USP34: variants seen among roughly 807,000 people sequenced by gnomAD.
USP34 encodes the protein ubiquitin specific peptidase 34.
Under a neutral mutation model 460.3 loss-of-function variants are expected in USP34, and 70 were observed. The ratio of observed to expected loss-of-function variants is 0.15; its 90% CI spans 0.13 to 0.19. The LOEUF (loss-of-function observed/expected upper bound fraction) is 0.19. Ranked by LOEUF, USP34 falls within the 10% of genes least tolerant of loss-of-function variation. USP34 has a pLI of 1.00. For missense variants in USP34, 3,985 were observed against 4,236.2 expected (o/e 0.94, Z 1.65); for synonymous variants, 1,647 against 1,405.3 (o/e 1.17, Z -3.85).
In USP34 at chr2:61,420,679, C is replaced by G. The variant is rs1694329109; in HGVS notation, c.131+67G>C. The G allele has an allele frequency of 5.1e-6, 6 of 1,177,956 alleles. No homozygotes were observed. In the South Asian group the frequency reaches 7.7e-5, roughly 15 times the overall value. The allele number at this position is 1,177,956 out of a possible 1,614,324, so 73.0% of individuals were successfully genotyped here. Reference sequence around the variant, plus strand: ...CCAACACCCTAAAAAGAAAATGTGACAATAAAAATCGCAACTTATAACACA... The same window carrying G: ...CCAACACCCTAAAAAGAAAATGTGAGAATAAAAATCGCAACTTATAACACA... On this transcript the variant is annotated intron_variant, in intron 2 of 79. Coordinates refer to ENST00000398571, the MANE Select transcript of USP34 (RefSeq NM_014709.4).
chr2:61,347,622 C>CCT (rs1312210793), intron 15 of USP34, among the ~76,000 whole-genome samples: 2 of 152,150 alleles, frequency 1.3e-5, no homozygotes, highest in Non-Finnish European at 2.9e-5. Flanking sequence ...GATCCACCTG[C>CCT]CTCGGCCTCC....
At chr2:61,232,344 A>G in intron 58 of USP34, 108 bp downstream of exon 58, 1 of 932,582 alleles carries the variant, frequency 1.1e-6, no homozygotes, top group Non-Finnish European at 1.6e-6. Context: ...GATCTTTTCA[A>G]ACTATTATCA....
chr2:61,353,619 CAG>C (rs1692020183), intron 10 of USP34, among the ~76,000 whole-genome samples: 2 of 150,048 alleles, frequency 1.3e-5, no homozygotes, highest in Non-Finnish European at 3.0e-5. Context: ...TTAGTGAAGA[CAG>C]GGTTTCGCCA....
chr2:61,383,300 G>T lies in USP34; in HGVS notation c.790C>A (p.His264Asn). The change falls in exon 6 of 80, where the codon CAC becomes AAC. Residue 264 changes from histidine to asparagine, a missense_variant. By Grantham distance (68) the His-to-Asn change is moderately conservative (BLOSUM62 1). Transcript: ENST00000398571. ...IWLHIPAVMQHIIPFRTYVIR... is the reference protein window; with the variant it reads ...IWLHIPAVMQNIIPFRTYVIR... ...ACATAGGTCCTAAAAGGTATAATGT[G>T]CTGCATGACAGCGGGAATATGTAGC... 1 of 1,604,788 alleles carries T rather than the reference G, an allele frequency of 6.2e-7. No individual in the cohort carries two copies. Among genetic ancestry groups the T allele is most frequent in the Non-Finnish European group, 8.5e-7 (1 of 1,174,574 alleles).
chr2:61,201,360 G>C (rs1686971829), intron 75 of USP34, among the ~76,000 whole-genome samples: 1 of 151,880 alleles, frequency 6.6e-6, no homozygotes, highest in South Asian at 2.1e-4. Context: ...TGCAACTACA[G>C]GCACGTACCA....
At chr2:61,243,557 CATT>C (rs79054146) in intron 51 of USP34, among the ~76,000 whole-genome samples, 1 of 97,646 alleles carries the variant, frequency 1.0e-5, no homozygotes, top group Non-Finnish European at 2.0e-5. Context: ...CTTCTTCCTT[CATT>C]TTTTTTTTTT....
At chr2:61,252,775 A>C (rs984020078) in intron 48 of USP34, among the ~76,000 whole-genome samples, 14 of 152,196 alleles carry the variant, frequency 9.2e-5, no homozygotes, top group African/African-American at 3.1e-4. Flanking sequence ...AAGAATAACT[A>C]ATGAGCTTGT....
At chr2:61,407,478 C>T (rs531880545) in intron 2 of USP34, among the ~76,000 whole-genome samples, 1 of 152,264 alleles carries the variant, frequency 6.6e-6, no homozygotes, top group Non-Finnish European at 1.5e-5. Context: ...ATAATCTGCA[C>T]CCAGTAATAG....
At chr2:61,260,746 C>T (rs967542115) in intron 43 of USP34, among the ~76,000 whole-genome samples, 10 of 152,162 alleles carry the variant, frequency 6.6e-5, no homozygotes, top group African/African-American at 1.9e-4. Context: ...CGAAAAAAGT[C>T]ACACAAAATG....
At chr2:61,398,545 G>A (rs1395691036) in intron 3 of USP34, among the ~76,000 whole-genome samples, 1 of 102,322 alleles carries the variant, frequency 9.8e-6, no homozygotes, top group Non-Finnish European at 2.1e-5. Context: ...GGCGGAAGCG[G>A]GGGAAGGAGG....
chr2:61,237,270 A>T (rs1688095504), intron 53 of USP34, among the ~76,000 whole-genome samples: 1 of 152,008 alleles, frequency 6.6e-6, no homozygotes, highest in African/African-American at 2.4e-5. Context: ...CATTCTGCCC[A>T]TCTCATTCAG....
At chr2:61,403,431 T>C (rs1693778841) in intron 3 of USP34, among the ~76,000 whole-genome samples, 1 of 152,150 alleles carries the variant, frequency 6.6e-6, no homozygotes, top group African/African-American at 2.4e-5. Flanking sequence ...TTCAGCATCT[T>C]TCAGTTACCA....
At chr2:61,424,523 G>A (rs1211757098) in intron 1 of USP34, among the ~76,000 whole-genome samples, 2 of 152,102 alleles carry the variant, frequency 1.3e-5, no homozygotes, top group Admixed American at 1.3e-4. Context: ...TGAAAAAGTT[G>A]TAGAGATTTG....
chr2:61,386,784 A>G (rs971327775), intron 5 of USP34, among the ~76,000 whole-genome samples: 4 of 152,294 alleles, frequency 2.6e-5, no homozygotes, highest in Middle Eastern at 3.4e-3. Context: ...GCGAGACTCC[A>G]TCTAAAAAGA....
At chr2:61,225,740 C>A (rs1219418611) in intron 62 of USP34, among the ~76,000 whole-genome samples, 1 of 152,170 alleles carries the variant, frequency 6.6e-6, no homozygotes, top group East Asian at 1.9e-4. Context: ...TTTTTGTCAA[C>A]CAATCGATAC....
At chr2:61,342,296 CTTT>C (rs34298126) in intron 16 of USP34, among the ~76,000 whole-genome samples, 5 of 95,074 alleles carry the variant, frequency 5.3e-5, no homozygotes, top group Admixed American at 1.5e-4. Context: ...TGGCCGTTTC[CTTT>C]TTTTTTTTTT....
chr2:61,341,657 C>G (rs1475241912), intron 16 of USP34, among the ~76,000 whole-genome samples: 1 of 151,918 alleles, frequency 6.6e-6, no homozygotes, highest in Non-Finnish European at 1.5e-5. Flanking sequence ...TGGCCCTCAC[C>G]AGAAGCAGAT....
At position 61,214,273 on chromosome 2, in the gene USP34, T is replaced by C. The variant is rs1269920170; in HGVS notation, c.8469A>G (p.Pro2823=). 2.5e-5 allele frequency: 41 copies of C among 1,614,098 alleles called. No homozygotes were observed. Among genetic ancestry groups the C allele is most frequent in the Non-Finnish European group, 3.5e-5 (41 of 1,180,046 alleles). ...PENIRLIVQN[P]VVTKNIAFNY... ...TGAAGGCAATGTTCTTGGTTACCAC[T>C]GGGTTCTGAACAATAAGGCGGATAT... The change falls in exon 68 of 80, where the codon CCA becomes CCG. Residue 2823 remains proline, a synonymous_variant. Coordinates refer to ENST00000398571, the MANE Select transcript of USP34 (RefSeq NM_014709.4).
At chr2:61,231,450 C>T (rs904395836) in intron 58 of USP34, among the ~76,000 whole-genome samples, 20 of 152,124 alleles carry the variant, frequency 1.3e-4, no homozygotes, top group Non-Finnish European at 2.1e-4. Context: ...CAGTGGCTCA[C>T]AACTATAATC....
Sources: gnomAD v4.1 joint callset for allele counts (sites outside exome capture counted in the v4.1 genomes callset) on GRCh38, gnomAD v4.1.1 for gene constraint, MANE v1.5 for transcripts, NCBI Gene and HGNC (gene_info 2026-07-23, HGNC 2026-07-21) for gene names.